Variants in CACNA1A observed in about 807,000 individuals in gnomAD.
The protein encoded by CACNA1A is calcium voltage-gated channel subunit alpha1 A, also known as voltage-dependent P/Q-type calcium channel subunit alpha-1A.
Under a neutral mutation model 262.4 loss-of-function variants are expected in CACNA1A, and 57 were observed. That is an observed-to-expected ratio of 0.22 (90% confidence interval 0.18 to 0.27). CACNA1A has a LOEUF of 0.27. CACNA1A is among the 10% of genes least tolerant of loss of function. The pLI, the probability that CACNA1A is intolerant of heterozygous loss-of-function variation, is 1.00. For synonymous variants in CACNA1A, 1,431 were observed against 1,419.3 expected (o/e 1.01, Z -0.18); for missense variants, 2,526 against 3,562.8 (o/e 0.71, Z 7.41).
rs1007252908 is a variant in CACNA1A at position 13,283,344 on chromosome 19, T to C, written c.3745A>G (p.Ile1249Val). Reference protein sequence around the residue: ...ILNLRYFEMCILMVIAMSSIA... With the variant: ...ILNLRYFEMCVLMVIAMSSIA... ...CTGCTCATGGCAATGACCATGAGGA[T>C]GCACATCTCAAAGTAGCGCAGGTTC... is the stretch of plus-strand genomic sequence containing the variant. The change falls in exon 22 of 47, where the codon ATC becomes GTC. Residue 1249 changes from isoleucine (I) to valine (V), a missense_variant. By Grantham distance (29) the Ile-to-Val change is conservative. Around this residue, in one of 17 missense-constraint regions of CACNA1A, gnomAD observed 765 missense variants for 748.6 expected, o/e 1.02. Coordinates refer to ENST00000360228, the MANE Select transcript of CACNA1A (RefSeq NM_001127222.2). 6.2e-7 allele frequency: 1 copy of C among 1,613,972 alleles called. No individual in the cohort carries two copies. Among genetic ancestry groups the C allele is most frequent in the East Asian group, 2.2e-5 (1 of 44,884 alleles).
chr19:13,245,623 A>G, intron 30 of CACNA1A: 1 of 227,782 alleles, frequency 4.4e-6, no homozygotes, highest in Non-Finnish European at 8.5e-6. Context: ...CTCCTCATGA[A>G]GATCCTGGAG....
At chr19:13,331,004 A>G (rs1285404626) in intron 9 of CACNA1A, among the ~76,000 whole-genome samples, 1 of 152,128 alleles carries the variant, frequency 6.6e-6, no homozygotes, top group Admixed American at 6.5e-5. Context: ...TATTCAAGCT[A>G]TACACCCCAG....
intron 6 of CACNA1A, among the ~76,000 whole-genome samples, chr19:13,343,632 T>A (rs564810899): frequency 6.6e-6 from 1 of 152,260 alleles, no homozygotes; most frequent in South Asian, 2.1e-4. Flanking sequence ...TCAAGCATCT[T>A]CTCAGACTAC....
chr19:13,298,718 T>G lies in CACNA1A; in HGVS notation c.2915A>C (p.Lys972Thr). The G allele has an allele frequency of 2.7e-6, 4 of 1,490,216 alleles. No homozygotes were observed. Among genetic ancestry groups the G allele is most frequent in the South Asian group, 1.3e-5 (1 of 77,952 alleles). 92.3% of individuals were successfully genotyped at this position (1,490,216 alleles called of 1,614,324 possible). Residue 972 changes from lysine to threonine, a missense_variant, in exon 19 of 47, where the codon AAG (lysine) becomes ACG (threonine). Physicochemically the swap from Lys to Thr is moderately conservative, Grantham distance 78. Around this residue, in one of 17 missense-constraint regions of CACNA1A, gnomAD observed 765 missense variants for 748.6 expected, o/e 1.02. Transcript: ENST00000360228. ...RRPGEEGPED[K>T]AERRARHREG... is the part of the protein sequence containing the mutation. ...GCGGTGCCGCGCCCTCCGCTCCGCC[T>G]TGTCCTCCGGACCCTCCTCCCCGGG...
chr19:13,451,528 G>A (rs1353454369), intron 3 of CACNA1A: 3 of 152,242 alleles, frequency 2.0e-5, no homozygotes, highest in African/African-American at 2.4e-5. Flanking sequence ...GTCCCTGACA[G>A]ACTAGTAGGT....
intron 3 of CACNA1A, among the ~76,000 whole-genome samples, chr19:13,429,411 C>T (rs192744095): frequency 3.3e-3 from 458 of 138,424 alleles, no homozygotes; most frequent in African/African-American, 0.011. Flanking sequence ...GGGGTGGGAG[C>T]GGGGGGAAGG....
intron 19 of CACNA1A, among the ~76,000 whole-genome samples, chr19:13,290,635 C>T (rs147306856): frequency 6.6e-6 from 1 of 152,062 alleles, no homozygotes; most frequent in Non-Finnish European, 1.5e-5. Flanking sequence ...TGGTATTGAA[C>T]TCCTGGGGCT....
intron 3 of CACNA1A, among the ~76,000 whole-genome samples, chr19:13,395,831 C>A (rs375495620): frequency 4.0e-5 from 6 of 149,868 alleles, no homozygotes; most frequent in Non-Finnish European, 5.9e-5. Context: ...CCAAGAGAGC[C>A]CCCCCTCCAT....
At position 13,376,626 on chromosome 19, in the gene CACNA1A, C is replaced by T. The variant is rs1431808171; in HGVS notation, c.540-4847G>A. On this transcript the variant is annotated intron_variant, in intron 3 of 46. Coordinates refer to ENST00000360228, the MANE Select transcript of CACNA1A (RefSeq NM_001127222.2). ...CATAATATATGTTATATATAACACA[C>T]TACACATATGTTATATATGATACAC... is the stretch of plus-strand genomic sequence containing the variant. 2.7e-5 allele frequency among the ~76,000 whole-genome samples: 4 copies of T among 146,802 alleles called. No individual in the cohort carries two copies. The East Asian group carries it at 5.9e-4, about 22-fold the overall frequency.
intron 15 of CACNA1A, 118 bp from the exon 16 acceptor site, chr19:13,304,002 A>C: frequency 1.4e-6 from 1 of 704,166 alleles, no homozygotes; most frequent in Non-Finnish European, 2.5e-6. Context: ...GGTCTTTAAC[A>C]ATCCTGCCCG....
At position 13,298,948 on chromosome 19, in the gene CACNA1A, T is replaced by A. The variant is rs1313222807; in HGVS notation, c.2685A>T (p.Gly895=). ...GSQEAELSRE[G]PYGRESDHHA... Reference sequence around the variant, plus strand: ...GGTGGTCCGACTCGCGGCCGTAGGGTCCCTCCCGGCTCAGCTCGGCCTCCT... The same window carrying A: ...GGTGGTCCGACTCGCGGCCGTAGGGACCCTCCCGGCTCAGCTCGGCCTCCT... The change falls in exon 19 of 47, where the codon GGA becomes GGT. Residue 895 remains glycine, a synonymous_variant. Transcript: ENST00000360228. The A allele has an allele frequency of 2.5e-6, 4 of 1,591,132 alleles. No homozygotes were observed. In the South Asian group the frequency reaches 3.3e-5, roughly 13 times the overall value.
intron 3 of CACNA1A, among the ~76,000 whole-genome samples, chr19:13,423,720 G>T (rs980182559): frequency 6.6e-6 from 1 of 151,720 alleles, no homozygotes; most frequent in African/African-American, 2.4e-5. Flanking sequence ...TTGCCACGTT[G>T]CCCAGTCTGG....
intron 10 of CACNA1A, among the ~76,000 whole-genome samples, chr19:13,321,437 G>A (rs188234694): frequency 6.6e-6 from 1 of 152,280 alleles, no homozygotes; most frequent in Non-Finnish European, 1.5e-5. Flanking sequence ...TATGTAAATT[G>A]TAATACAGCC....
At chr19:13,223,210 T>C (rs927427838) in intron 38 of CACNA1A, among the ~76,000 whole-genome samples, 2 of 151,828 alleles carry the variant, frequency 1.3e-5, no homozygotes, top group African/African-American at 4.8e-5. Flanking sequence ...AATTTAATTT[T>C]TGAGACAGAG....
chr19:13,452,776 A>G, intron 3 of CACNA1A, 100 bp downstream of exon 3: 1 of 1,125,228 alleles, frequency 8.9e-7, no homozygotes, highest in Non-Finnish European at 1.3e-6. Flanking sequence ...GGGAGAACAC[A>G]AGGGCTCAGC....
chr19:13,406,512 T>A (rs1188361056), intron 3 of CACNA1A, among the ~76,000 whole-genome samples: 1 of 100,192 alleles, frequency 1.0e-5, no homozygotes, highest in Non-Finnish European at 2.0e-5. Context: ...TATATATATA[T>A]GAAGGGAATC....
intron 3 of CACNA1A, among the ~76,000 whole-genome samples, chr19:13,441,725 T>C (rs2419717): frequency 0.34 from 51,202 of 150,024 alleles, 10,998 homozygotes; most frequent in East Asian, 0.61. Flanking sequence ...ATGATCTTGG[T>C]CTCCCGGCTT....
chr19:13,335,780 TG>T, intron 7 of CACNA1A, 25 bp downstream of exon 7: 1 of 1,413,768 alleles, frequency 7.1e-7, no homozygotes, highest in South Asian at 1.2e-5. Context: ...GTGAGTGGGA[TG>T]GGGTGGGGAG....
chr19:13,355,848 T>C (rs892396898), intron 6 of CACNA1A, among the ~76,000 whole-genome samples: 4 of 152,174 alleles, frequency 2.6e-5, no homozygotes, highest in Non-Finnish European at 5.9e-5. Flanking sequence ...TGTAGAATGT[T>C]GAGTAGCATC....
Sources: gnomAD v4.1 joint callset for allele counts (sites outside exome capture counted in the v4.1 genomes callset) on GRCh38, gnomAD v4.1.1 for gene constraint, gnomAD v4.1.1 regional missense constraint, MANE v1.5 for transcripts, NCBI Gene and HGNC (gene_info 2026-07-23, HGNC 2026-07-21) for gene names.